MUC5B: variants seen among roughly 807,000 people sequenced by gnomAD.
The protein encoded by MUC5B is mucin-5B.
MUC5B carries 116 observed loss-of-function variants against 376.9 expected under a neutral mutation model. The ratio of observed to expected loss-of-function variants is 0.31; its 90% CI spans 0.26 to 0.36. MUC5B has a LOEUF of 0.36. Ranked by LOEUF, MUC5B falls within the 10% of genes least tolerant of loss-of-function variation. MUC5B has a pLI of 1.00. For synonymous variants in MUC5B, 3,517 were observed against 3,390.9 expected, an observed-to-expected ratio of 1.04 and a Z score of -1.29; for missense variants, 7,165 against 7,769.9, an observed-to-expected ratio of 0.92 and a Z score of 2.93.
At position 1,241,805 on chromosome 11, in the gene MUC5B, C is replaced by T; in HGVS notation, c.4925C>T (p.Ala1642Val). Residue 1642 changes from alanine (A) to valine (V), a missense_variant, in exon 31 of 49, where the codon GCT (alanine) becomes GTT (valine). Physicochemically the swap from Ala to Val is moderately conservative, Grantham distance 64. Around this residue, in one of 31 missense-constraint regions of MUC5B, gnomAD observed 897 missense variants for 779.6 expected, o/e 1.15. Transcript: ENST00000529681. ...QPTSSPGLTR[A>V]PPASTTAVPT... ...ACGAGTAGCCCGGGGCTGACCAGGG[C>T]TCCCCCGGCCAGCACCACAGCAGTC... The T allele has an allele frequency of 4.3e-6, 7 of 1,612,500 alleles. No individual in the cohort carries two copies. Among genetic ancestry groups the T allele is most frequent in the Non-Finnish European group, 5.9e-6 (7 of 1,179,272 alleles).
intron 7 of MUC5B, among the ~76,000 whole-genome samples, chr11:1,228,194 G>A (rs549290978): frequency 1.3e-5 from 2 of 152,324 alleles, no homozygotes; most frequent in African/African-American, 2.4e-5. Context: ...CCCCGCAGCC[G>A]GCAGCCCTGG....
In MUC5B at chr11:1,251,625, C is replaced by A; in HGVS notation, c.14745C>A (p.Thr4915=). The A allele has an allele frequency of 6.2e-7, 1 of 1,613,128 alleles. No homozygotes were observed. Among genetic ancestry groups the A allele is most frequent in the East Asian group, 2.2e-5 (1 of 44,892 alleles). Residue 4915 remains threonine (T), a synonymous_variant, in exon 31 of 49, where the codon ACC becomes ACA. Transcript: ENST00000529681. ...CAGTGCTCCCCAGCAGCCTGCCAAC[C>A]TTCAGCGTGTCCACTGTGTCCTCCT... ...TPAVLPSSLP[T]FSVSTVSSSV...
chr11:1,240,734 C>G (rs1564938011), intron 30 of MUC5B, 117 bp from the exon 31 acceptor site: 5 of 1,002,604 alleles, frequency 5.0e-6, no homozygotes, highest in Non-Finnish European at 2.9e-6. Context: ...CTGGGGTCCC[C>G]AGTATCCCAC....
chr11:1,226,930 C>A, intron 4 of MUC5B, 54 bp downstream of exon 4: 26 of 1,588,686 alleles, frequency 1.6e-5, no homozygotes, highest in Non-Finnish European at 2.2e-5. Flanking sequence ...GTGTGACCTC[C>A]CCACACGGCC....
intron 2 of MUC5B, 23 bp downstream of exon 2, chr11:1,225,760 G>T (rs1442717032): frequency 1.3e-5 from 20 of 1,597,148 alleles, no homozygotes; most frequent in East Asian, 4.5e-5. Flanking sequence ...GTTCGGGGGT[G>T]GGGGGTTCCT....
Position 1,230,607 on chromosome 11 carries a change from A to T in MUC5B, c.1470+7A>T, listed in dbSNP as rs1862005552. The T allele has an allele frequency of 6.2e-7, 1 of 1,602,390 alleles. No homozygotes were observed. Among genetic ancestry groups the T allele is most frequent in the African/African-American group, 1.3e-5 (1 of 74,872 alleles). ...CCTGGACGGCGGGGACACGGTGAGG[A>T]CCTGGCTGGGGCCCTGGGCTGGGAC... On this transcript the variant is annotated splice_region_variant and intron_variant, in intron 12 of 48. Transcript: ENST00000529681.
At chr11:1,233,629 G>A (rs879394517) in intron 18 of MUC5B, among the ~76,000 whole-genome samples, 164 bp from the exon 19 acceptor site, 2 of 151,996 alleles carry the variant, frequency 1.3e-5, no homozygotes, top group Non-Finnish European at 2.9e-5. Flanking sequence ...GTGCCTCCAG[G>A]GGATTTGGGG....
Position 1,253,249 on chromosome 11 carries a change from A to T in MUC5B, c.15217+269A>T, listed in dbSNP as rs1227866506. ...AGTGGTGCACGTCGTGAGAGCTGTTAGTATGCAGGCTCCGTGTCCACAGGG... is the reference window on the plus strand; with the variant it reads ...AGTGGTGCACGTCGTGAGAGCTGTTTGTATGCAGGCTCCGTGTCCACAGGG... On this transcript the variant is annotated intron_variant, in intron 33 of 48. Coordinates refer to ENST00000529681, the MANE Select transcript of MUC5B (RefSeq NM_002458.3). This position sits in a 1 kb window ranked among gnomAD's most constrained non-coding sequence, Gnocchi z 4.3. Among the ~76,000 whole-genome samples the T allele has an allele frequency of 1.3e-5, 2 of 152,104 alleles. No homozygotes were observed. Among genetic ancestry groups the T allele is most frequent in the Non-Finnish European group, 2.9e-5 (2 of 68,020 alleles).
chr11:1,226,370 G>T, intron 3 of MUC5B, 94 bp downstream of exon 3: 1 of 1,444,756 alleles, frequency 6.9e-7, no homozygotes. Flanking sequence ...CCACCAGGTG[G>T]GGCCGTTGGG....
At position 1,248,368 on chromosome 11, in the gene MUC5B, A is replaced by G. The variant is rs1458798929; in HGVS notation, c.11488A>G (p.Thr3830Ala). The G allele has an allele frequency of 1.9e-6, 3 of 1,612,664 alleles. No homozygotes were observed. Among genetic ancestry groups the G allele is most frequent in the East Asian group, 2.2e-5 (1 of 44,864 alleles). ...AGCCACACCCTCCTCCACTCCAGAG[A>G]CTGCCCACACCTCCACAGTGCTTAC... The part of the protein sequence containing the change: ...STATPSSTPE[T>A]AHTSTVLTTT... The change falls in exon 31 of 49, where the codon ACT (threonine) becomes GCT (alanine). Residue 3830 changes from threonine (T) to alanine (A), a missense_variant. By Grantham distance (58) the Thr-to-Ala change is moderately conservative (BLOSUM62 0). This residue lies in a region of MUC5B where 242 missense variants were observed against 199.0 expected (regional missense o/e 1.22). Coordinates refer to ENST00000529681, the MANE Select transcript of MUC5B (RefSeq NM_002458.3).
At position 1,236,207 on chromosome 11, in the gene MUC5B, G is replaced by C. The variant is rs1198963905; in HGVS notation, c.2881-179G>C. 5.8e-5 allele frequency: 34 copies of C among 583,450 alleles called. No homozygotes were observed. In the Admixed American group the frequency reaches 1.0e-3, roughly 17 times the overall value. The allele number at this position is 583,450 out of a possible 1,614,324, so 36.1% of individuals were successfully genotyped here. On this transcript the variant is annotated intron_variant, in intron 23 of 48. Coordinates refer to ENST00000529681, the MANE Select transcript of MUC5B (RefSeq NM_002458.3). ...CAGCCCCTGTTCCCAGCACTTCCTG[G>C]CCAGCCTCTTGCCAAACCTTCGCTG...
chr11:1,228,355 C>T (rs921053941), intron 7 of MUC5B, among the ~76,000 whole-genome samples: 3 of 152,184 alleles, frequency 2.0e-5, no homozygotes, highest in African/African-American at 4.8e-5. Flanking sequence ...CAGGCACATC[C>T]GGAGTAGGGG....
chr11:1,260,263 C>A, intron 46 of MUC5B, 88 bp from the exon 47 acceptor site: 3 of 1,460,206 alleles, frequency 2.1e-6, no homozygotes, highest in Non-Finnish European at 2.8e-6. Context: ...AGGCCATGCC[C>A]CTGCCCGGGT....
At chr11:1,226,089 T>C in intron 2 of MUC5B, 116 bp from the exon 3 acceptor site, 2 of 1,019,822 alleles carry the variant, frequency 2.0e-6, no homozygotes, top group Non-Finnish European at 1.4e-6. Context: ...CCCCAGCCCA[T>C]CAGTTTTGGG....
At position 1,253,074 on chromosome 11, in the gene MUC5B, A is replaced by G. The variant is rs1290828429; in HGVS notation, c.15217+94A>G. Reference sequence around the variant, plus strand: ...GGCAGAATGGGGCATGGTGGGGCACAGTGGGGTGCAGTGGGGAATGGTGGG... The same window carrying G: ...GGCAGAATGGGGCATGGTGGGGCACGGTGGGGTGCAGTGGGGAATGGTGGG... On this transcript the variant is annotated intron_variant, in intron 33 of 48. Transcript: ENST00000529681. The surrounding 1 kb of genome is among the most constrained non-coding windows in gnomAD (Gnocchi z 4.3). 7.4e-5 allele frequency: 52 copies of G among 700,434 alleles called. 1 individual carries two copies. In the South Asian group the frequency reaches 8.7e-4, roughly 12 times the overall value. 43.4% of individuals were successfully genotyped at this position (700,434 alleles called of 1,614,324 possible).
intron 6 of MUC5B, 93 bp downstream of exon 6, chr11:1,227,491 A>G: frequency 2.0e-6 from 2 of 993,098 alleles, no homozygotes; most frequent in Non-Finnish European, 3.1e-6. Context: ...CGGAGTGGGG[A>G]CCGGGCACCA....
In MUC5B at chr11:1,256,029, C is replaced by T. The variant is rs936097678; in HGVS notation, c.16067-127C>T. 2.2e-4 allele frequency: 117 copies of T among 542,932 alleles called. No homozygotes were observed. The East Asian group carries it at 2.6e-3, about 12-fold the overall frequency. The allele number at this position is 542,932 out of a possible 1,614,324, so 33.6% of individuals were successfully genotyped here. ...CCTCGGCCTCTCTGAGTGTCCTGTG[C>T]GGTGAGTGGGGGCGGCCCCGGGCCC... On this transcript the variant is annotated intron_variant, in intron 37 of 48. Transcript: ENST00000529681.
chr11:1,250,099 C>A lies in MUC5B; in HGVS notation c.13219C>A (p.Pro4407Thr). 1 of 1,592,890 alleles carries A rather than the reference C, an allele frequency of 6.3e-7. No homozygotes were observed. The highest frequency in any genetic ancestry group is 8.6e-7 in the Non-Finnish European group (1 of 1,168,870). ...TAATTTAATG[P>T]TATPSSTPGT... ...AGCCACTACAACTGCAGCCACTGGCCCCACGGCCACCCCGTCCTCCACCCC... is the reference window on the plus strand; with the variant it reads ...AGCCACTACAACTGCAGCCACTGGCACCACGGCCACCCCGTCCTCCACCCC... The change falls in exon 31 of 49, where the codon CCC becomes ACC. Residue 4407 changes from proline (P) to threonine (T), a missense_variant. Transcript: ENST00000529681.
rs1438420955 is a variant in MUC5B, at chr11:1,247,761, G to C, written c.10881G>C (p.Leu3627=). 1 of 1,607,482 alleles carries C rather than the reference G, an allele frequency of 6.2e-7. No homozygotes were observed. Among genetic ancestry groups the C allele is most frequent in the East Asian group, 2.2e-5 (1 of 44,578 alleles). Residue 3627 remains leucine (L), a synonymous_variant, in exon 31 of 49, where the codon CTG becomes CTC. Coordinates refer to ENST00000529681, the MANE Select transcript of MUC5B (RefSeq NM_002458.3). The part of the protein sequence containing the change: ...CRAQAQPGVP[L]RELGQVVECS... ...CCCAGGCCCAGCCTGGTGTCCCCCT[G>C]CGGGAGTTGGGCCAGGTCGTGGAAT...
Sources: gnomAD v4.1 joint callset for allele counts (sites outside exome capture counted in the v4.1 genomes callset) on GRCh38, gnomAD v4.1.1 for gene constraint, gnomAD v4.1.1 regional missense constraint, Gnocchi (gnomAD v3.1) non-coding constraint, MANE v1.5 for transcripts, NCBI Gene and HGNC (gene_info 2026-07-23, HGNC 2026-07-21) for gene names.